Variants in FRAS1 observed in about 807,000 individuals in gnomAD.
The protein encoded by FRAS1 is Fraser extracellular matrix complex subunit 1.
A neutral mutation model predicts 435.2 loss-of-function variants in FRAS1; 290 were observed. The ratio of observed to expected loss-of-function variants is 0.67; its 90% confidence interval spans 0.61 to 0.73. The LOEUF (loss-of-function observed/expected upper bound fraction) is 0.73. Ranked by LOEUF, FRAS1 falls within the 30% of genes least tolerant of loss-of-function variation. The probability of loss-of-function intolerance (pLI) is 0.00; values close to 1 mark genes in which losing one functional copy is unlikely to be tolerated. For missense variants in FRAS1, 4,860 were observed against 5,001.5 expected, an observed-to-expected ratio of 0.97 and a Z score of 0.85; for synonymous variants, 1,800 against 1,851.0, an observed-to-expected ratio of 0.97 and a Z score of 0.71.
intron 65 of FRAS1, among the ~76,000 whole-genome samples, chr4:78,515,062 C>A (rs376810804): frequency 0.013 from 532 of 39,694 alleles, 1 homozygote; most frequent in African/African-American, 0.043. Flanking sequence ...AGTAAGACTC[C>A]ATCTCAAAAA....
At chr4:78,092,003 A>G (rs940015309) in intron 2 of FRAS1, among the ~76,000 whole-genome samples, 4 of 146,248 alleles carry the variant, frequency 2.7e-5, no homozygotes, top group Non-Finnish European at 6.0e-5. Flanking sequence ...AAAAAAAGGA[A>G]AAAAACAAAC....
intron 2 of FRAS1, among the ~76,000 whole-genome samples, chr4:78,075,410 A>G (rs1046382104): frequency 3.9e-5 from 6 of 152,190 alleles, no homozygotes; most frequent in African/African-American, 1.4e-4. Flanking sequence ...TATGAGCTCA[A>G]AAGTTCCCTC....
Position 78,363,891 on chromosome 4 carries a change from C to T in FRAS1, c.2576-17C>T, listed in dbSNP as rs761009730. The T allele has an allele frequency of 3.1e-6, 5 of 1,599,828 alleles. No individual in the cohort carries two copies. The highest frequency in any genetic ancestry group is 1.7e-5 in the Admixed American group (1 of 58,146). On this transcript the variant is annotated splice_polypyrimidine_tract_variant and intron_variant, in intron 21 of 73. Coordinates refer to ENST00000512123, the MANE Select transcript of FRAS1 (RefSeq NM_025074.7). The stretch of plus-strand genomic sequence containing the variant: ...TCTGACATCATGGTTTCTGTTGTGT[C>T]TCTTTTTCCTCTGCAGAATGCCACT...
At chr4:78,099,511 T>C (rs1741998208) in intron 2 of FRAS1, among the ~76,000 whole-genome samples, 1 of 152,248 alleles carries the variant, frequency 6.6e-6, no homozygotes, top group African/African-American at 2.4e-5. Flanking sequence ...ATTAAAGATG[T>C]GTTTATTGAA....
intron 38 of FRAS1, among the ~76,000 whole-genome samples, chr4:78,437,821 C>T (rs1285627319): frequency 1.3e-5 from 2 of 152,196 alleles, no homozygotes; most frequent in African/African-American, 4.8e-5. Flanking sequence ...TGTTGCCTGC[C>T]TCCCAGATAT....
intron 26 of FRAS1, 36 bp from the exon 27 acceptor site, chr4:78,379,690 C>A (rs776762762): frequency 6.3e-7 from 1 of 1,586,462 alleles, no homozygotes. Context: ...AGTGAAGGTA[C>A]CATAAGCTTG....
In FRAS1 at chr4:78,360,410, A is replaced by G. The variant is rs1731032703; in HGVS notation, c.2423-3103A>G. The stretch of plus-strand genomic sequence containing the variant: ...GGCAAGAGATGAGTTGTTTGTAGAG[A>G]AAAGTTTTTAGGACAGTAGGCAATG... On this transcript the variant is annotated intron_variant, in intron 20 of 73. Transcript: ENST00000512123. Among the ~76,000 whole-genome samples, 3 of 152,194 alleles carry G rather than the reference A, an allele frequency of 2.0e-5. 1 individual carries two copies. In the South Asian group the frequency reaches 6.2e-4, roughly 32 times the overall value.
At chr4:78,260,762 G>A (rs1451743092) in intron 6 of FRAS1, among the ~76,000 whole-genome samples, 1 of 152,182 alleles carries the variant, frequency 6.6e-6, no homozygotes. Context: ...TGGTGAGAGA[G>A]GGCATCCCTG....
intron 31 of FRAS1, among the ~76,000 whole-genome samples, chr4:78,408,219 T>C (rs1207700139): frequency 6.6e-6 from 1 of 152,096 alleles, no homozygotes; most frequent in Non-Finnish European, 1.5e-5. Context: ...GCCCCCGTGA[T>C]TGTTGTCTCC....
rs1218178824 is a variant in FRAS1, at chr4:78,533,744, C to CT, written c.10926-704dup. On this transcript the variant is annotated intron_variant, in intron 70 of 73. Transcript: ENST00000512123. ...GAAGAGCATACTGAGTTTGGGTTAT[C>CT]TGACAGCCATGTAGAGCTACCATTT... Among the ~76,000 whole-genome samples the CT allele has an allele frequency of 6.6e-5, 10 of 152,262 alleles. No individual in the cohort carries two copies. The East Asian group carries it at 1.9e-3, about 29-fold the overall frequency.
At chr4:78,121,658 A>G (rs1719030738) in intron 2 of FRAS1, among the ~76,000 whole-genome samples, 1 of 152,196 alleles carries the variant, frequency 6.6e-6, no homozygotes, top group Non-Finnish European at 1.5e-5. Flanking sequence ...CTTCAGATGT[A>G]TTATATAAAC....
At chr4:78,409,544 A>G (rs1385628995) in intron 31 of FRAS1, among the ~76,000 whole-genome samples, 3 of 152,238 alleles carry the variant, frequency 2.0e-5, no homozygotes, top group African/African-American at 7.2e-5. Flanking sequence ...GTTAATTATA[A>G]AATGCTAGAA....
intron 14 of FRAS1, among the ~76,000 whole-genome samples, chr4:78,304,058 A>T (rs1023805882): frequency 6.6e-6 from 1 of 151,516 alleles, no homozygotes; most frequent in Admixed American, 6.6e-5. Context: ...GAGAGTTTTT[A>T]GCATGAAGTG....
chr4:78,221,592 T>C (rs1429818093), intron 2 of FRAS1, among the ~76,000 whole-genome samples: 1 of 152,222 alleles, frequency 6.6e-6, no homozygotes, highest in Non-Finnish European at 1.5e-5. Context: ...TTTCTACAAA[T>C]ATACATGGAT....
At chr4:78,409,054 G>A (rs1445250173) in intron 31 of FRAS1, among the ~76,000 whole-genome samples, 4 of 142,146 alleles carry the variant, frequency 2.8e-5, no homozygotes, top group African/African-American at 1.0e-4. Context: ...GGGAGGTGGA[G>A]GCTGCACTGA....
chr4:78,326,987 T>C (rs1729744173), intron 18 of FRAS1, among the ~76,000 whole-genome samples: 1 of 152,106 alleles, frequency 6.6e-6, no homozygotes, highest in South Asian at 2.1e-4. Flanking sequence ...AAAGATGTGA[T>C]TTTTACTCTT....
Position 78,363,932 on chromosome 4 carries a change from G to T in FRAS1, c.2600G>T (p.Cys867Phe), listed in dbSNP as rs773323030. The change falls in exon 22 of 74, where the codon TGC becomes TTC. Residue 867 changes from cysteine (C) to phenylalanine (F), a missense_variant. By Grantham distance (205) the Cys-to-Phe change is radical (BLOSUM62 -2). Coordinates refer to ENST00000512123, the MANE Select transcript of FRAS1 (RefSeq NM_025074.7). The part of the protein sequence containing the change: ...CKKCHSSCRT[C>F]QGRGPFSCSS... ...GAATGCCACTCCTCCTGCAGAACCT[G>T]CCAGGGCAGAGGACCTTTCTCCTGC... 3 of 1,612,838 alleles carry T rather than the reference G, an allele frequency of 1.9e-6. No individual in the cohort carries two copies. Among genetic ancestry groups the T allele is most frequent in the Non-Finnish European group, 2.5e-6 (3 of 1,179,480 alleles).
intron 2 of FRAS1, among the ~76,000 whole-genome samples, chr4:78,205,873 T>C (rs1560580274): frequency 6.6e-6 from 1 of 152,062 alleles, no homozygotes; most frequent in African/African-American, 2.4e-5. Flanking sequence ...CAGGGCAGTC[T>C]CTGCCCCTCC....
At chr4:78,481,290 C>T (rs970728067) in intron 56 of FRAS1, among the ~76,000 whole-genome samples, 1 of 152,184 alleles carries the variant, frequency 6.6e-6, no homozygotes, top group South Asian at 2.1e-4. Flanking sequence ...TAAGTCATGA[C>T]ATGTGCTTGG....
Sources: allele counts gnomAD v4.1 joint callset (sites outside exome capture counted in the v4.1 genomes callset), GRCh38; gene constraint gnomAD v4.1.1; transcripts MANE v1.5; gene names NCBI Gene and HGNC (gene_info 2026-07-23, HGNC 2026-07-21).